Variants in ATP2B1 observed in about 807,000 individuals in gnomAD.
ATP2B1 encodes ATPase plasma membrane Ca2+ transporting 1.
In ATP2B1, 14 loss-of-function variants were observed where a neutral mutation model predicts 124.2. The ratio of observed to expected loss-of-function variants is 0.11; its 90% CI spans 0.07 to 0.18. The LOEUF (loss-of-function observed/expected upper bound fraction) is 0.18, where lower values mean the gene tolerates loss of function less well. ATP2B1 is among the 10% of genes least tolerant of loss of function. ATP2B1 has a pLI of 1.00. For synonymous variants in ATP2B1, 449 were observed against 492.4 expected, an observed-to-expected ratio of 0.91 and a Z score of 1.17; for missense variants, 763 against 1,466.1, an observed-to-expected ratio of 0.52 and a Z score of 7.83.
intron 12 of ATP2B1, among the ~76,000 whole-genome samples, chr12:89,615,879 C>T (rs955813064): frequency 6.6e-6 from 1 of 152,146 alleles, no homozygotes; most frequent in South Asian, 2.1e-4. Flanking sequence ...ACGCTCTATA[C>T]ATTTTTGATT....
chr12:89,648,439 TA>T (rs1884793997), intron 2 of ATP2B1, among the ~76,000 whole-genome samples: 1 of 152,080 alleles, frequency 6.6e-6, no homozygotes, highest in South Asian at 2.1e-4. Flanking sequence ...AGTTTGAACT[TA>T]AGAGTAATGA....
rs745503429 is a variant in ATP2B1, at chr12:89,616,874, A to C, written c.1995T>G (p.Asp665Glu). Residue 665 changes from aspartate (D) to glutamate (E), a missense_variant, in exon 12 of 21, where the codon GAT becomes GAG. Asp to Glu is a conservative substitution (Grantham distance 45, BLOSUM62 2). Around this residue, in one of 7 missense-constraint regions of ATP2B1, gnomAD observed 392 missense variants for 776.6 expected, o/e 0.50. Transcript: ENST00000428670. ...FPAGEPEPEWDNENDIVTGLT... is the reference protein window; with the variant it reads ...FPAGEPEPEWENENDIVTGLT... Reference sequence around the variant, plus strand: ...GGCCGGTGACAATATCATTTTCATTATCCCACTCTGGTTCTGGTTCTCCTG... The same window carrying C: ...GGCCGGTGACAATATCATTTTCATTCTCCCACTCTGGTTCTGGTTCTCCTG... 7.4e-6 allele frequency: 12 copies of C among 1,613,934 alleles called. No individual in the cohort carries two copies. In the African/African-American group the frequency reaches 1.6e-4, roughly 22 times the overall value.
At chr12:89,659,999 C>CTAAA (rs1290867661) in intron 1 of ATP2B1, among the ~76,000 whole-genome samples, 1 of 147,168 alleles carries the variant, frequency 6.8e-6, no homozygotes, top group Admixed American at 6.7e-5. Flanking sequence ...ATTAGAAAAA[C>CTAAA]TAAATAAATA....
intron 10 of ATP2B1, among the ~76,000 whole-genome samples, chr12:89,621,326 G>C (rs1364368179): frequency 1.3e-5 from 2 of 151,976 alleles, no homozygotes; most frequent in Non-Finnish European, 1.5e-5. Flanking sequence ...CTGAACACAG[G>C]AAATTCAAAA....
intron 1 of ATP2B1, among the ~76,000 whole-genome samples, chr12:89,689,998 T>A (rs1038053673): frequency 6.6e-6 from 1 of 152,106 alleles, no homozygotes. Flanking sequence ...TACTTTTCTA[T>A]AGTTTAGGCA....
intron 2 of ATP2B1, among the ~76,000 whole-genome samples, chr12:89,650,336 A>C (rs144122351): frequency 1.3e-5 from 2 of 152,334 alleles, no homozygotes; most frequent in East Asian, 3.9e-4. Context: ...TGCAAATTTA[A>C]GAGACACTGT....
At chr12:89,607,660 GTATCTC>G (rs1398503045) in intron 15 of ATP2B1, among the ~76,000 whole-genome samples, 5 of 152,296 alleles carry the variant, frequency 3.3e-5, no homozygotes, top group Admixed American at 1.3e-4. Flanking sequence ...GATGACAGCA[GTATCTC>G]TATACATGGT....
intron 1 of ATP2B1, among the ~76,000 whole-genome samples, chr12:89,658,272 G>A (rs899656631): frequency 3.9e-5 from 6 of 152,098 alleles, no homozygotes; most frequent in African/African-American, 9.7e-5. Context: ...AATCACCATG[G>A]ACGTGAAATG....
At chr12:89,698,058 A>G (rs973307362) in intron 1 of ATP2B1, among the ~76,000 whole-genome samples, 1 of 152,040 alleles carries the variant, frequency 6.6e-6, no homozygotes, top group South Asian at 2.1e-4. Context: ...TTTAGTAAAG[A>G]CGGGGTTTCA....
At chr12:89,619,520 G>A (rs1879585088) in intron 11 of ATP2B1, among the ~76,000 whole-genome samples, 1 of 151,604 alleles carries the variant, frequency 6.6e-6, no homozygotes, top group Non-Finnish European at 1.5e-5. Context: ...GCTGAGGCAG[G>A]AGAATCCCTT....
intron 1 of ATP2B1, among the ~76,000 whole-genome samples, chr12:89,657,364 T>G (rs1042401014): frequency 8.5e-5 from 13 of 152,224 alleles, no homozygotes; most frequent in African/African-American, 2.9e-4. Flanking sequence ...CTGCTACATT[T>G]AGTTTTTGAA....
intron 1 of ATP2B1, among the ~76,000 whole-genome samples, chr12:89,686,514 C>T (rs1889990696): frequency 6.6e-6 from 1 of 152,074 alleles, no homozygotes. Context: ...CAATGTTACG[C>T]AACATTATCA....
At chr12:89,694,666 T>C (rs1181756335) in intron 1 of ATP2B1, among the ~76,000 whole-genome samples, 1 of 152,180 alleles carries the variant, frequency 6.6e-6, no homozygotes, top group Non-Finnish European at 1.5e-5. Context: ...CCTGGCTTGC[T>C]ACCTAGGCTG....
Position 89,603,374 on chromosome 12 carries a change from C to T in ATP2B1, c.2849-120G>A. The stretch of plus-strand genomic sequence containing the variant: ...ATCTGAAATGGCAGCATGGAAGGAG[C>T]TAGAGAAACCTGGGATTATCTAGTA... On this transcript the variant is annotated intron_variant, in intron 17 of 20. Coordinates refer to ENST00000428670, the MANE Select transcript of ATP2B1 (RefSeq NM_001366521.1). This position sits in a 1 kb window ranked among gnomAD's most constrained non-coding sequence, Gnocchi z 4.3. 1.2e-6 allele frequency: 1 copy of T among 841,600 alleles called. No homozygotes were observed. The highest frequency in any genetic ancestry group is 1.7e-5 in the African/African-American group (1 of 58,076). 52.1% of individuals were successfully genotyped at this position (841,600 alleles called of 1,614,324 possible).
chr12:89,674,902 T>C (rs747491055), intron 1 of ATP2B1, among the ~76,000 whole-genome samples: 5 of 152,194 alleles, frequency 3.3e-5, no homozygotes, highest in African/African-American at 4.8e-5. Context: ...ACCAAGTAAA[T>C]GTAAAATATT....
At chr12:89,709,026 C>T (rs1196491350), upstream of ATP2B1, 1 of 151,254 alleles carries the variant, frequency 6.6e-6, no homozygotes, top group Non-Finnish European at 1.5e-5. Context: ...CCGCCGTCCG[C>T]AACAGCAGCC....
chr12:89,634,963 A>C, intron 4 of ATP2B1, 34 bp downstream of exon 4: 1 of 1,610,952 alleles, frequency 6.2e-7, no homozygotes, highest in Non-Finnish European at 8.5e-7. Flanking sequence ...TTTTATGTTT[A>C]GTGTCAGATG....
At chr12:89,632,490 C>G (rs533592180) in intron 5 of ATP2B1, among the ~76,000 whole-genome samples, 1 of 152,114 alleles carries the variant, frequency 6.6e-6, no homozygotes, top group Non-Finnish European at 1.5e-5. Flanking sequence ...TAATTTATTT[C>G]TTTTAACAAT....
At chr12:89,657,082 A>C (rs1402816183) in intron 1 of ATP2B1, among the ~76,000 whole-genome samples, 1 of 152,188 alleles carries the variant, frequency 6.6e-6, no homozygotes, top group Non-Finnish European at 1.5e-5. Flanking sequence ...CAAAGTTAAC[A>C]TGCCCAACAA....
Sources: gnomAD v4.1 joint callset for allele counts (sites outside exome capture counted in the v4.1 genomes callset) on GRCh38, gnomAD v4.1.1 for gene constraint, gnomAD v4.1.1 regional missense constraint, Gnocchi (gnomAD v3.1) non-coding constraint, MANE v1.5 for transcripts, NCBI Gene and HGNC (gene_info 2026-07-23, HGNC 2026-07-21) for gene names.